Variants in LRBA observed in about 807,000 individuals in gnomAD.
The protein encoded by LRBA is LPS responsive beige-like anchor protein.
LRBA carries 176 observed loss-of-function variants against 330.0 expected under a neutral mutation model. The observed-to-expected ratio is 0.53, with a 90% CI of 0.47 to 0.60. The LOEUF (loss-of-function observed/expected upper bound fraction) is 0.60, where lower values mean the gene tolerates loss of function less well. Among genes scored for constraint, LRBA ranks in the 20% least tolerant of loss-of-function variants. LRBA has a pLI of 0.00. For missense variants in LRBA, 3,259 were observed against 3,444.8 expected, an observed-to-expected ratio of 0.95 and a Z score of 1.35; for synonymous variants, 1,230 against 1,193.0, an observed-to-expected ratio of 1.03 and a Z score of -0.64.
intron 46 of LRBA, among the ~76,000 whole-genome samples, chr4:150,418,902 A>G (rs533381242): frequency 6.6e-6 from 1 of 152,222 alleles, no homozygotes; most frequent in East Asian, 1.9e-4. Flanking sequence ...GAGAGAAGCC[A>G]AACAGGCATA....
intron 40 of LRBA, among the ~76,000 whole-genome samples, chr4:150,567,287 A>C (rs1397373478): frequency 6.6e-6 from 1 of 152,176 alleles, no homozygotes; most frequent in Admixed American, 6.6e-5. Flanking sequence ...GAGTAGGATA[A>C]CAAGATGCTC....
intron 36 of LRBA, among the ~76,000 whole-genome samples, chr4:150,728,925 T>C (rs1730069249): frequency 6.6e-6 from 1 of 152,192 alleles, no homozygotes; most frequent in Non-Finnish European, 1.5e-5. Context: ...TATTTGCAGA[T>C]GATGTGATCT....
At chr4:150,753,395 T>A (rs1733822351) in intron 35 of LRBA, among the ~76,000 whole-genome samples, 1 of 152,222 alleles carries the variant, frequency 6.6e-6, no homozygotes. Flanking sequence ...TTTCATTTTA[T>A]TTTTATTTTA....
chr4:150,685,421 T>TATATATATATATATAC (rs58013900), intron 36 of LRBA, among the ~76,000 whole-genome samples: 1 of 11,110 alleles, frequency 9.0e-5, no homozygotes, highest in African/African-American at 3.8e-4. Flanking sequence ...TATATATATA[T>TATATATATATATATAC]TTTTTTTTTT....
At chr4:150,339,484 T>C (rs1184408870) in intron 48 of LRBA, among the ~76,000 whole-genome samples, 1 of 152,146 alleles carries the variant, frequency 6.6e-6, no homozygotes, top group African/African-American at 2.4e-5. Context: ...AGCAGATTCT[T>C]TCCCCCTGAA....
At chr4:150,436,963 A>G (rs1751199696) in intron 44 of LRBA, 99 bp from the exon 45 acceptor site, 1 of 1,061,658 alleles carries the variant, frequency 9.4e-7, no homozygotes, top group Non-Finnish European at 1.4e-6. Flanking sequence ...TATAAAAGTG[A>G]ATTTTAAAAA....
At chr4:150,646,487 T>G (rs1251095535) in intron 37 of LRBA, among the ~76,000 whole-genome samples, 1 of 152,030 alleles carries the variant, frequency 6.6e-6, no homozygotes, top group African/African-American at 2.4e-5. Flanking sequence ...AATAGGCGGT[T>G]TTTGAAACGT....
At chr4:150,832,742 C>G (rs1023864985) in intron 28 of LRBA, among the ~76,000 whole-genome samples, 3 of 151,956 alleles carry the variant, frequency 2.0e-5, no homozygotes, top group African/African-American at 7.3e-5. Flanking sequence ...AAAACTGAAG[C>G]TATTAGATAC....
intron 44 of LRBA, among the ~76,000 whole-genome samples, chr4:150,455,393 C>T (rs1455809257): frequency 6.6e-6 from 1 of 151,680 alleles, no homozygotes; most frequent in African/African-American, 2.4e-5. Flanking sequence ...AAATGTCCAA[C>T]AATGATAGGC....
At chr4:150,336,766 T>C (rs895367363) in intron 48 of LRBA, among the ~76,000 whole-genome samples, 1 of 152,136 alleles carries the variant, frequency 6.6e-6, no homozygotes, top group Non-Finnish European at 1.5e-5. Context: ...CTCACTACAA[T>C]CTCCAGTTCT....
intron 46 of LRBA, among the ~76,000 whole-genome samples, chr4:150,421,784 C>T (rs1318089926): frequency 3.3e-5 from 5 of 152,132 alleles, no homozygotes. Flanking sequence ...TCCACCCCAG[C>T]GTCTTGGTGT....
chr4:150,368,181 G>A (rs1048022675), intron 47 of LRBA, among the ~76,000 whole-genome samples: 1 of 152,026 alleles, frequency 6.6e-6, no homozygotes, highest in Non-Finnish European at 1.5e-5. Flanking sequence ...CGAGATTTCA[G>A]TGCTCACTTC....
At chr4:150,429,277 T>C (rs1750053502) in intron 46 of LRBA, among the ~76,000 whole-genome samples, 2 of 151,920 alleles carry the variant, frequency 1.3e-5, no homozygotes, top group Non-Finnish European at 2.9e-5. Context: ...TTCTTAAAGA[T>C]AACTAAAACA....
In LRBA at chr4:150,849,033, T is replaced by C. The variant is rs371523545; in HGVS notation, c.4159-35A>G. On this transcript the variant is annotated intron_variant, in intron 25 of 56. Coordinates refer to ENST00000651943, the MANE Select transcript of LRBA (RefSeq NM_001364905.1). ...ATAAAGTTTGACATTTATATATATA[T>C]ATTCTGAAAAAAAAATTTTACCAGA... 4.2e-5 allele frequency: 61 copies of C among 1,438,980 alleles called. No individual in the cohort carries two copies. In the African/African-American group the frequency reaches 7.3e-4, roughly 17 times the overall value. The allele number at this position is 1,438,980 out of a possible 1,614,324, so 89.1% of individuals were successfully genotyped here.
chr4:150,663,003 A>C (rs1781261278), intron 37 of LRBA, among the ~76,000 whole-genome samples: 1 of 152,188 alleles, frequency 6.6e-6, no homozygotes, highest in African/African-American at 2.4e-5. Context: ...GATAAAATCT[A>C]CAGAAGATAA....
chr4:150,517,846 T>C lies in LRBA; in HGVS notation c.6331-26811A>G, dbSNP rs528655740. Among the ~76,000 whole-genome samples the C allele has an allele frequency of 7.9e-4, 120 of 152,296 alleles. 1 individual carries two copies. The highest frequency in any genetic ancestry group is 2.8e-3 in the African/African-American group (117 of 41,578). On this transcript the variant is annotated intron_variant, in intron 40 of 56. Coordinates refer to ENST00000651943, the MANE Select transcript of LRBA (RefSeq NM_001364905.1). ...ACACCACAGACAGTACCAAACTCAA[T>C]TGTCATCAGTTGGAACATGGTTTTC...
chr4:150,302,870 A>G, intron 52 of LRBA, 78 bp from the exon 53 acceptor site: 1 of 1,060,742 alleles, frequency 9.4e-7, no homozygotes, highest in East Asian at 2.7e-5. Flanking sequence ...TTGTAAAACA[A>G]CGAAGCTATA....
chr4:150,916,452 T>C lies in LRBA; in HGVS notation c.843A>G (p.Ser281=), dbSNP rs770104721. 4 of 1,613,702 alleles carry C rather than the reference T, an allele frequency of 2.5e-6. No individual in the cohort carries two copies. The highest frequency in any genetic ancestry group is 1.7e-5 in the Admixed American group (1 of 60,000). The change falls in exon 7 of 57, where the codon TCA becomes TCG. Residue 281 remains serine (S), a synonymous_variant. Transcript: ENST00000651943. The part of the protein sequence containing the change: ...GGCLIVTSIK[S]KGKGFQHCVK... ...CACAGTGTTGAAAGCCTTTTCCTTT[T>C]GACTTTATTGATGTTACAATCAAAC...
intron 35 of LRBA, among the ~76,000 whole-genome samples, chr4:150,739,783 C>T (rs1731704068): frequency 6.6e-6 from 1 of 152,164 alleles, no homozygotes; most frequent in Non-Finnish European, 1.5e-5. Context: ...CAACAGCCCG[C>T]AAAGAATTCA....
Sources: gnomAD v4.1 joint callset for allele counts (sites outside exome capture counted in the v4.1 genomes callset) on GRCh38, gnomAD v4.1.1 for gene constraint, MANE v1.5 for transcripts, NCBI Gene and HGNC (gene_info 2026-07-23, HGNC 2026-07-21) for gene names.